NRG1: variants seen among roughly 807,000 people sequenced by gnomAD.
The protein encoded by NRG1 is pro-neuregulin-1, membrane-bound isoform.
Under a neutral mutation model 63.8 loss-of-function variants are expected in NRG1, and 18 were observed. The ratio of observed to expected loss-of-function variants is 0.28; its 90% CI spans 0.19 to 0.42. NRG1 has a LOEUF of 0.42. Ranked by LOEUF, NRG1 falls within the 10% of genes least tolerant of loss-of-function variation. NRG1 has a pLI of 1.00. For missense variants in NRG1, 762 were observed against 814.7 expected (o/e 0.94, Z 0.79); for synonymous variants, 302 against 301.3 (o/e 1.00, Z -0.02).
chr8:32,187,455 T>C (rs573094593), intron 1 of NRG1, among the ~76,000 whole-genome samples: 54 of 152,258 alleles, frequency 3.5e-4, no homozygotes, highest in African/African-American at 1.3e-3. Context: ...ACCTATAGTT[T>C]CTGAATAAAA....
At chr8:32,390,756 A>C (rs937344560) in intron 1 of NRG1, among the ~76,000 whole-genome samples, 1 of 152,140 alleles carries the variant, frequency 6.6e-6, no homozygotes, top group African/African-American at 2.4e-5. Context: ...TTATCTGTCC[A>C]ATGCCTTCCC....
intron 1 of NRG1, among the ~76,000 whole-genome samples, chr8:31,843,088 G>A (rs1826345299): frequency 6.6e-6 from 1 of 152,030 alleles, no homozygotes; most frequent in Non-Finnish European, 1.5e-5. Context: ...CTTGGATGTA[G>A]CAGGACACCT....
chr8:31,907,911 TAGCACAG>T (rs879269405), intron 1 of NRG1, among the ~76,000 whole-genome samples: 4 of 152,190 alleles, frequency 2.6e-5, no homozygotes, highest in Non-Finnish European at 5.9e-5. Context: ...TTCTTCTTTT[TAGCACAG>T]AGCTTTGTAC....
At chr8:31,917,981 G>T (rs902362948) in intron 1 of NRG1, among the ~76,000 whole-genome samples, 2 of 152,178 alleles carry the variant, frequency 1.3e-5, no homozygotes, top group African/African-American at 4.8e-5. Flanking sequence ...GTGAATGGGA[G>T]TTCACTCATG....
chr8:32,754,251 G>A, intron 7 of NRG1, 121 bp from the exon 8 acceptor site: 2 of 791,914 alleles, frequency 2.5e-6, no homozygotes, highest in Admixed American at 4.1e-5. Context: ...GTAAAGAATT[G>A]TCATGTATTT....
At chr8:31,639,766 C>T (rs1459488998) in intron 1 of NRG1, 50 of 1,335,586 alleles carry the variant, frequency 3.7e-5, no homozygotes, top group South Asian at 3.7e-5. Flanking sequence ...TTTTTTTGCC[C>T]TTATACCTCT....
intron 1 of NRG1, among the ~76,000 whole-genome samples, chr8:32,136,389 G>C (rs1382302956): frequency 2.0e-5 from 3 of 152,174 alleles, no homozygotes; most frequent in Non-Finnish European, 4.4e-5. Flanking sequence ...TTGTCATAAA[G>C]TCCGTGGTCT....
At chr8:32,685,553 T>C (rs1809872474) in intron 5 of NRG1, among the ~76,000 whole-genome samples, 1 of 152,262 alleles carries the variant, frequency 6.6e-6, no homozygotes, top group African/African-American at 2.4e-5. Context: ...GGATTGCTTA[T>C]GGAAACAACG....
In NRG1 at chr8:32,537,195, C is replaced by CAAAAAAAAAAAAAAAAAAAAA. The variant is rs71208193; in HGVS notation, c.38-58628_38-58608dup. ...TCAGTGGCACAGTGAGACTCCATCT[C>CAAAAAAAAAAAAAAAAAAAAA]AAAAAAAAAAAAAAAAAAAAAAAAA... is the stretch of plus-strand genomic sequence containing the variant. On this transcript the variant is annotated intron_variant, in intron 1 of 10. Coordinates refer to the NRG1 transcript ENST00000519301. Among the ~76,000 whole-genome samples, 7 of 43,812 alleles carry CAAAAAAAAAAAAAAAAAAAAA rather than the reference C, an allele frequency of 1.6e-4. 1 individual carries two copies. The highest frequency in any genetic ancestry group is 2.2e-4 in the Non-Finnish European group (6 of 27,082). The allele number at this position is 43,812 out of a possible 152,430, so 28.7% of individuals were successfully genotyped here.
At chr8:32,644,801 C>CT (rs5890675) in intron 5 of NRG1, among the ~76,000 whole-genome samples, 44,591 of 144,124 alleles carry the variant, frequency 0.31, 7,319 homozygotes, top group Non-Finnish European at 0.38. Context: ...TGCCCAGTAA[C>CT]TTTTTTTTTT....
rs141737843 is a variant in NRG1 at position 32,428,954 on chromosome 8, C to T, written c.38-166874C>T. ...GGATAGGACCTAGTCATATTCAGTC[C>T]ACATTGGAAAGCATAAATTAGTGTA... On this transcript the variant is annotated intron_variant, in intron 1 of 10. Coordinates refer to the NRG1 transcript ENST00000519301. Among the ~76,000 whole-genome samples the T allele has an allele frequency of 3.7e-4, 56 of 152,164 alleles. No homozygotes were observed. The East Asian group carries it at 9.7e-3, about 26-fold the overall frequency.
chr8:31,889,281 T>A (rs188645714), intron 1 of NRG1, among the ~76,000 whole-genome samples: 2 of 152,292 alleles, frequency 1.3e-5, no homozygotes, highest in African/African-American at 4.8e-5. Flanking sequence ...TGATGCCCCT[T>A]TTCTAAGATT....
chr8:32,560,312 C>G (rs1464750982), intron 1 of NRG1, among the ~76,000 whole-genome samples: 1 of 151,600 alleles, frequency 6.6e-6, no homozygotes, highest in Non-Finnish European at 1.5e-5. Context: ...ATAAATAAAC[C>G]ATTGTCCTCA....
At chr8:32,753,837 C>CCACT (rs1452308800) in intron 7 of NRG1, among the ~76,000 whole-genome samples, 9 of 151,964 alleles carry the variant, frequency 5.9e-5, no homozygotes, top group Non-Finnish European at 1.2e-4. Flanking sequence ...TTTGTAAAGA[C>CCACT]CACTGGATAT....
chr8:32,705,277 T>C (rs1159455352), intron 5 of NRG1, among the ~76,000 whole-genome samples: 1 of 151,870 alleles, frequency 6.6e-6, no homozygotes, highest in Non-Finnish European at 1.5e-5. Context: ...GACTACAGGC[T>C]CCAGCCACCA....
At chr8:31,697,741 G>A (rs535353693) in intron 1 of NRG1, among the ~76,000 whole-genome samples, 1 of 152,252 alleles carries the variant, frequency 6.6e-6, no homozygotes, top group South Asian at 2.1e-4. Flanking sequence ...TTCAGAAGGT[G>A]AGTATTCACT....
intron 5 of NRG1, among the ~76,000 whole-genome samples, chr8:32,651,519 T>C (rs1273633674): frequency 6.6e-6 from 1 of 152,156 alleles, no homozygotes. Flanking sequence ...AATTAAATTA[T>C]AGCCAGGAAA....
intron 8 of NRG1, among the ~76,000 whole-genome samples, chr8:32,755,122 G>C (rs16879924): frequency 0.059 from 9,000 of 152,176 alleles, 924 homozygotes; most frequent in African/African-American, 0.21. Flanking sequence ...GGAGGAAAAT[G>C]AAGCAAAACT....
In NRG1 at chr8:32,631,802, A is replaced by C. The variant is rs142825916; in HGVS notation, c.502+14917A>C. Among the ~76,000 whole-genome samples the C allele has an allele frequency of 5.3e-3, 801 of 152,284 alleles. 11 individuals carry two copies. Among genetic ancestry groups the C allele is most frequent in the African/African-American group, 0.017 (708 of 41,566 alleles). On this transcript the variant is annotated intron_variant, in intron 5 of 11. Transcript: ENST00000356819. ...GGTGAGGTTAATCTAGGACGCTTTGAGACTCCGTTGCTCATAATTGGACCT... is the reference window on the plus strand; with the variant it reads ...GGTGAGGTTAATCTAGGACGCTTTGCGACTCCGTTGCTCATAATTGGACCT...
Sources: allele counts gnomAD v4.1 joint callset (sites outside exome capture counted in the v4.1 genomes callset), GRCh38; gene constraint gnomAD v4.1.1; transcripts MANE v1.5; gene names NCBI Gene and HGNC (gene_info 2026-07-23, HGNC 2026-07-21).